Variants in GTF3C3 observed in about 807,000 individuals in gnomAD.
The protein encoded by GTF3C3 is general transcription factor 3C polypeptide 3.
GTF3C3 carries 75 observed loss-of-function variants against 105.2 expected under a neutral mutation model. That is an observed-to-expected ratio of 0.71 (90% CI 0.59 to 0.86). GTF3C3 has a LOEUF of 0.86. Ranked by LOEUF, GTF3C3 falls within the 40% of genes least tolerant of loss-of-function variation. The probability of loss-of-function intolerance (pLI) is 0.00; values close to 1 mark genes in which losing one functional copy is unlikely to be tolerated. For synonymous variants in GTF3C3, 335 were observed against 370.4 expected, an observed-to-expected ratio of 0.90 and a Z score of 1.10; for missense variants, 856 against 1,076.5, an observed-to-expected ratio of 0.80 and a Z score of 2.87.
In GTF3C3 at chr2:196,764,558, G is replaced by GTGCTT. The variant is rs1296522893; in HGVS notation, c.2661_*4dup. 1.2e-6 allele frequency: 2 copies of GTGCTT among 1,611,800 alleles called. No homozygotes were observed. Among genetic ancestry groups the GTGCTT allele is most frequent in the East Asian group, 2.2e-5 (1 of 44,848 alleles). On this transcript the variant is annotated 3_prime_UTR_variant, in exon 18 of 18. Transcript: ENST00000263956. ...TGCCATTGCTCTGTTCTCAGTTGCG[G>GTGCTT]TGCTTTATATAGAACAATAGGTATA...
rs1250986637 is a variant in GTF3C3 at position 196,769,937 on chromosome 2, C to G, written c.2363G>C (p.Arg788Pro). Residue 788 changes from arginine (R) to proline (P), a missense_variant, in exon 16 of 18, where the codon CGG becomes CCG. Coordinates refer to ENST00000263956, the MANE Select transcript of GTF3C3 (RefSeq NM_012086.5). ...IHMASQKYVL[R>P]RHALIVQGFS... ...TACCTGTACAATAAGAGCATGTCTC[C>G]GTAACACATACTTCTGAGATGCCAT... 6.2e-7 allele frequency: 1 copy of G among 1,606,660 alleles called. No homozygotes were observed. Among genetic ancestry groups the G allele is most frequent in the Non-Finnish European group, 8.5e-7 (1 of 1,176,110 alleles).
intron 2 of GTF3C3, among the ~76,000 whole-genome samples, chr2:196,796,414 C>T: frequency 6.6e-6 from 1 of 152,190 alleles, no homozygotes; most frequent in South Asian, 2.1e-4. Context: ...ATAGTAGCAA[C>T]TTAAACACCT....
At chr2:196,781,220 T>A (rs564094363) in intron 8 of GTF3C3, among the ~76,000 whole-genome samples, 2 of 145,228 alleles carry the variant, frequency 1.4e-5, no homozygotes, top group Admixed American at 6.8e-5. Flanking sequence ...AAATAAAAAA[T>A]TATTCAAGAA....
chr2:196,767,782 G>C (rs1021937982), intron 16 of GTF3C3, among the ~76,000 whole-genome samples: 1 of 152,126 alleles, frequency 6.6e-6, no homozygotes, highest in African/African-American at 2.4e-5. Flanking sequence ...ATAAAAATAT[G>C]AGGAAAAAGG....
Position 196,764,491 on chromosome 2 carries a change from A to C in GTF3C3, c.*72T>G. ...TCATTTCTATTTTGGAGTTACAAAT[A>C]ATAAGCCCTGAGACAGAAGACACTG... On this transcript the variant is annotated 3_prime_UTR_variant, in exon 18 of 18. Transcript: ENST00000263956. 6 of 1,351,350 alleles carry C rather than the reference A, an allele frequency of 4.4e-6. No homozygotes were observed. The highest frequency in any genetic ancestry group is 6.0e-6 in the Non-Finnish European group (6 of 1,005,934). 83.7% of individuals were successfully genotyped at this position (1,351,350 alleles called of 1,614,324 possible).
chr2:196,774,775 G>A (rs1699234667), intron 13 of GTF3C3, among the ~76,000 whole-genome samples: 1 of 152,134 alleles, frequency 6.6e-6, no homozygotes, highest in East Asian at 1.9e-4. Flanking sequence ...ATAGAGAATG[G>A]AATATATATA....
chr2:196,764,737 A>G (rs1271385584), intron 17 of GTF3C3, 52 bp from the exon 18 acceptor site: 1 of 1,509,002 alleles, frequency 6.6e-7, no homozygotes, highest in Non-Finnish European at 9.1e-7. Flanking sequence ...GTCAACCGGG[A>G]CAATTTTATG....
Position 196,775,129 on chromosome 2 carries a change from A to G in GTF3C3, c.1818T>C (p.Asn606=). Residue 606 remains asparagine (N), a synonymous_variant, in exon 13 of 18, where the codon AAT becomes AAC. Coordinates refer to ENST00000263956, the MANE Select transcript of GTF3C3 (RefSeq NM_012086.5). Reference sequence around the variant, plus strand: ...TGAAGTTATTACCTTTTGCATCACAATTTGCTGACTCTTGGTCATTGCTGT... The same window carrying G: ...TGAAGTTATTACCTTTTGCATCACAGTTTGCTGACTCTTGGTCATTGCTGT... ...ISDSNDQESA[N]CDAKAIFAVL... is the part of the protein sequence containing the mutation. 1 of 1,612,298 alleles carries G rather than the reference A, an allele frequency of 6.2e-7. No homozygotes were observed.
chr2:196,782,573 A>G (rs1699384493), intron 8 of GTF3C3, among the ~76,000 whole-genome samples: 1 of 152,178 alleles, frequency 6.6e-6, no homozygotes, highest in Non-Finnish European at 1.5e-5. Context: ...AAATCAAGTG[A>G]TTCAGGAAAG....
rs1458054643 is a variant in GTF3C3 at position 196,763,702 on chromosome 2, T to C, written c.*861A>G. ...ACAGCATTTATTTTTCCCTAAAAAGTTGTTATTAAGCTAACAGTATATCAT... is the reference window on the plus strand; with the variant it reads ...ACAGCATTTATTTTTCCCTAAAAAGCTGTTATTAAGCTAACAGTATATCAT... On this transcript the variant is annotated 3_prime_UTR_variant, in exon 18 of 18. Transcript: ENST00000263956. The C allele has an allele frequency of 1.3e-5, 2 of 151,708 alleles. No individual in the cohort carries two copies. The highest frequency in any genetic ancestry group is 2.9e-5 in the Non-Finnish European group (2 of 68,026). 9.4% of individuals were successfully genotyped at this position (151,708 alleles called of 1,614,324 possible).
intron 17 of GTF3C3, among the ~76,000 whole-genome samples, chr2:196,765,883 A>G (rs548288260): frequency 0.023 from 3,505 of 151,430 alleles, 49 homozygotes; most frequent in Middle Eastern, 0.041. Context: ...GGTGGCAGGC[A>G]CCTGTAGTCC....
chr2:196,799,396 T>G, intron 1 of GTF3C3, 114 bp downstream of exon 1: 2 of 742,230 alleles, frequency 2.7e-6, no homozygotes, highest in Non-Finnish European at 4.7e-6. Context: ...AGGAAGAAGC[T>G]GCTGAAAGTT....
chr2:196,781,357 A>AATATATATATATATATATATATAT (rs1553578901), intron 8 of GTF3C3, among the ~76,000 whole-genome samples: 4 of 18,806 alleles, frequency 2.1e-4, no homozygotes, highest in Non-Finnish European at 3.0e-4. Flanking sequence ...AAAAAAAAAA[A>AATATATATATATATATATATATAT]ATATATATAT....
At chr2:196,765,762 G>C (rs553998599) in intron 17 of GTF3C3, among the ~76,000 whole-genome samples, 1 of 151,938 alleles carries the variant, frequency 6.6e-6, no homozygotes, top group Non-Finnish European at 1.5e-5. Flanking sequence ...TGTAATCCCA[G>C]CACTTTGGGA....
In GTF3C3 at chr2:196,776,868, G is replaced by A. The variant is rs1242822879; in HGVS notation, c.1391-239C>T. 6.6e-6 allele frequency among the ~76,000 whole-genome samples: 1 copy of A among 151,992 alleles called. No individual in the cohort carries two copies. Among genetic ancestry groups the A allele is most frequent in the African/African-American group, 2.4e-5 (1 of 41,374 alleles). Reference sequence around the variant, plus strand: ...TTTAGGGTTCTGCTTTATTCATTGAGCATTACATTTTAAACACTGTCTTCA... The same window carrying A: ...TTTAGGGTTCTGCTTTATTCATTGAACATTACATTTTAAACACTGTCTTCA... On this transcript the variant is annotated intron_variant, in intron 10 of 17. Transcript: ENST00000263956. The surrounding 1 kb of genome is among the most constrained non-coding windows in gnomAD (Gnocchi z 4.5).
Position 196,776,684 on chromosome 2 carries a change from CACAATT to C in GTF3C3, c.1391-61_1391-56del. ...ATGAACTACAGATTTGTAAACTGGC[CACAATT>C]ACTCTTCCATTTTAAAAGAAATATA... On this transcript the variant is annotated intron_variant, in intron 10 of 17. Coordinates refer to ENST00000263956, the MANE Select transcript of GTF3C3 (RefSeq NM_012086.5). The surrounding 1 kb of genome is among the most constrained non-coding windows in gnomAD (Gnocchi z 4.5). 8.5e-7 allele frequency: 1 copy of C among 1,171,832 alleles called. No individual in the cohort carries two copies. The highest frequency in any genetic ancestry group is 1.4e-5 in the South Asian group (1 of 73,390). The allele number at this position is 1,171,832 out of a possible 1,614,324, so 72.6% of individuals were successfully genotyped here.
intron 16 of GTF3C3, among the ~76,000 whole-genome samples, chr2:196,768,561 CAAG>C (rs1279825914): frequency 6.6e-6 from 1 of 151,794 alleles, no homozygotes; most frequent in Non-Finnish European, 1.5e-5. Context: ...AGTCTTGTAG[CAAG>C]AAGAAAGAAA....
At chr2:196,794,254 T>G (rs1699599476) in intron 2 of GTF3C3, among the ~76,000 whole-genome samples, 2 of 152,100 alleles carry the variant, frequency 1.3e-5, no homozygotes, top group South Asian at 4.2e-4. Flanking sequence ...CCTCCCTAAC[T>G]ATAAGAAATA....
Position 196,780,619 on chromosome 2 carries a change from T to C in GTF3C3, c.1158A>G (p.Ile386Met). 2 of 1,613,416 alleles carry C rather than the reference T, an allele frequency of 1.2e-6. No individual in the cohort carries two copies. The highest frequency in any genetic ancestry group is 8.5e-7 in the Non-Finnish European group (1 of 1,179,512). ...AGACCATCAACTTCACTGTGATATC[T>C]ATTGGCACGCCATCAGGTATAGTGC... ...VTCTIPDGVPIDITVKLMVCL... is the reference protein window; with the variant it reads ...VTCTIPDGVPMDITVKLMVCL... Residue 386 changes from isoleucine (I) to methionine (M), a missense_variant, in exon 9 of 18, where the codon ATA becomes ATG. Coordinates refer to ENST00000263956, the MANE Select transcript of GTF3C3 (RefSeq NM_012086.5).
Sources: gnomAD v4.1 joint callset for allele counts (sites outside exome capture counted in the v4.1 genomes callset) on GRCh38, gnomAD v4.1.1 for gene constraint, Gnocchi (gnomAD v3.1) non-coding constraint, MANE v1.5 for transcripts, NCBI Gene and HGNC (gene_info 2026-07-23, HGNC 2026-07-21) for gene names.